ADAMTSL1: variants seen among roughly 807,000 people sequenced by gnomAD.
ADAMTSL1 encodes the protein ADAMTS-like protein 1.
A neutral mutation model predicts 201.8 loss-of-function variants in ADAMTSL1; 126 were observed. That is an observed-to-expected ratio of 0.62 (90% confidence interval 0.54 to 0.72). The LOEUF is 0.72. Among genes scored for constraint, ADAMTSL1 ranks in the 30% least tolerant of loss-of-function variants. The pLI is 0.00. For synonymous variants in ADAMTSL1, 1,121 were observed against 903.4 expected (o/e 1.24, Z -4.32); for missense variants, 2,679 against 2,277.8 (o/e 1.18, Z -3.59).
intron 1 of ADAMTSL1, among the ~76,000 whole-genome samples, chr9:17,944,681 C>G (rs1827383398): frequency 7.1e-6 from 1 of 140,662 alleles, no homozygotes; most frequent in Non-Finnish European, 1.5e-5. Flanking sequence ...ACTATCTGAT[C>G]TTTGACAAAC....
chr9:18,023,150 G>A (rs947924), intron 1 of ADAMTSL1, among the ~76,000 whole-genome samples: 72,689 of 150,882 alleles, frequency 0.48, 17,784 homozygotes, highest in South Asian at 0.59. Context: ...CTATATATAT[G>A]TATATGTATG....
At chr9:17,952,837 T>G (rs1472675648) in intron 1 of ADAMTSL1, among the ~76,000 whole-genome samples, 2 of 152,134 alleles carry the variant, frequency 1.3e-5, no homozygotes, top group African/African-American at 4.8e-5. Context: ...ACTACCATGT[T>G]TTAGCAACTA....
At chr9:18,104,447 C>G (rs937499900) in intron 1 of ADAMTSL1, among the ~76,000 whole-genome samples, 1 of 152,134 alleles carries the variant, frequency 6.6e-6, no homozygotes, top group African/African-American at 2.4e-5. Flanking sequence ...CATTTTAGCT[C>G]TTTTCCTGGT....
At chr9:17,949,921 G>C (rs554604541) in intron 1 of ADAMTSL1, among the ~76,000 whole-genome samples, 1 of 152,036 alleles carries the variant, frequency 6.6e-6, no homozygotes, top group Non-Finnish European at 1.5e-5. Context: ...TGCTGTTACC[G>C]TAGTGCTTTT....
At chr9:18,547,512 C>T (rs541726181) in intron 3 of ADAMTSL1, among the ~76,000 whole-genome samples, 1 of 151,536 alleles carries the variant, frequency 6.6e-6, no homozygotes, top group African/African-American at 2.4e-5. Context: ...TAGCTTGACT[C>T]TGGTAGGATA....
At chr9:18,575,817 T>A (rs758959684) in intron 4 of ADAMTSL1, among the ~76,000 whole-genome samples, 57 of 152,324 alleles carry the variant, frequency 3.7e-4, no homozygotes, top group Middle Eastern at 3.4e-3. Context: ...TCTCCTGAGA[T>A]CCCATTCAAT....
intron 26 of ADAMTSL1, among the ~76,000 whole-genome samples, chr9:18,903,763 C>T (rs1052940491): frequency 6.6e-6 from 1 of 151,790 alleles, no homozygotes; most frequent in Non-Finnish European, 1.5e-5. Flanking sequence ...CACACAAACT[C>T]AAGTCCTGCA....
chr9:18,127,069 C>A (rs141126545), intron 1 of ADAMTSL1, among the ~76,000 whole-genome samples: 1 of 152,030 alleles, frequency 6.6e-6, no homozygotes, highest in Non-Finnish European at 1.5e-5. Flanking sequence ...GTAAAGACAG[C>A]ATTTCAGTGT....
intron 1 of ADAMTSL1, among the ~76,000 whole-genome samples, chr9:18,141,810 G>T (rs546077248): frequency 4.6e-4 from 70 of 152,314 alleles, no homozygotes; most frequent in Non-Finnish European, 8.2e-4. Flanking sequence ...AGGCGTTACT[G>T]AGAAAGGAGG....
At chr9:18,355,571 T>A (rs986831897) in intron 2 of ADAMTSL1, among the ~76,000 whole-genome samples, 1 of 152,244 alleles carries the variant, frequency 6.6e-6, no homozygotes, top group Non-Finnish European at 1.5e-5. Context: ...ATACATATAG[T>A]ATCTAAAACT....
At chr9:18,109,118 T>A (rs991277052) in intron 1 of ADAMTSL1, among the ~76,000 whole-genome samples, 1 of 152,202 alleles carries the variant, frequency 6.6e-6, no homozygotes, top group African/African-American at 2.4e-5. Context: ...TTAAGACTTG[T>A]GAATACAATT....
At chr9:18,397,943 G>A (rs925519592) in intron 2 of ADAMTSL1, among the ~76,000 whole-genome samples, 4 of 152,094 alleles carry the variant, frequency 2.6e-5, no homozygotes, top group Non-Finnish European at 5.9e-5. Flanking sequence ...TATTTTAGAG[G>A]CTAATGCCCA....
chr9:17,941,413 T>C (rs1427493327), intron 1 of ADAMTSL1, among the ~76,000 whole-genome samples: 1 of 152,202 alleles, frequency 6.6e-6, no homozygotes, highest in Non-Finnish European at 1.5e-5. Context: ...ATCTGGTTTT[T>C]GGATACGTGT....
chr9:18,577,723 G>A (rs370250001), intron 4 of ADAMTSL1, among the ~76,000 whole-genome samples: 1 of 152,106 alleles, frequency 6.6e-6, no homozygotes, highest in Non-Finnish European at 1.5e-5. Context: ...TATTAAACTA[G>A]TGGTTCCCTG....
chr9:17,954,968 A>G (rs572692318), intron 1 of ADAMTSL1, among the ~76,000 whole-genome samples: 2 of 152,254 alleles, frequency 1.3e-5, no homozygotes, highest in Admixed American at 1.3e-4. Context: ...AGGAAATGTA[A>G]TGGTAGCATC....
intron 2 of ADAMTSL1, among the ~76,000 whole-genome samples, chr9:18,512,475 C>A (rs1587419810): frequency 6.6e-6 from 1 of 151,982 alleles, no homozygotes; most frequent in African/African-American, 2.4e-5. Flanking sequence ...TGTTCAGTAG[C>A]CCTTCTAAAG....
chr9:18,735,384 G>A lies in ADAMTSL1; in HGVS notation c.2006+13719G>A, dbSNP rs1818443287. ...AATTATTGCTCTCTCCTTATTTCTTGTTTTAAGGCATCCCTTCATCCCTTG... is the reference window on the plus strand; with the variant it reads ...AATTATTGCTCTCTCCTTATTTCTTATTTTAAGGCATCCCTTCATCCCTTG... On this transcript the variant is annotated intron_variant, in intron 15 of 28. Transcript: ENST00000380548. Among the ~76,000 whole-genome samples, 3 of 152,170 alleles carry A rather than the reference G, an allele frequency of 2.0e-5. No individual in the cohort carries two copies. In the South Asian group the frequency reaches 6.2e-4, roughly 32 times the overall value.
At chr9:18,727,574 G>T (rs763555192) in intron 15 of ADAMTSL1, among the ~76,000 whole-genome samples, 5 of 152,208 alleles carry the variant, frequency 3.3e-5, no homozygotes, top group Admixed American at 2.6e-4. Context: ...TGTTTCTCTA[G>T]TGGGACTGTA....
At chr9:18,738,444 T>C (rs1433131915) in intron 15 of ADAMTSL1, among the ~76,000 whole-genome samples, 1 of 152,184 alleles carries the variant, frequency 6.6e-6, no homozygotes, top group Non-Finnish European at 1.5e-5. Flanking sequence ...GTTGCATTCA[T>C]AGAGTTTGAG....
Sources: gnomAD v4.1 joint callset for allele counts (sites outside exome capture counted in the v4.1 genomes callset) on GRCh38, gnomAD v4.1.1 for gene constraint, MANE v1.5 for transcripts, NCBI Gene and HGNC (gene_info 2026-07-23, HGNC 2026-07-21) for gene names.